The following TRPM1 variants were observed in gnomAD, a reference collection of about 807,000 sequenced individuals.
TRPM1 encodes transient receptor potential cation channel subfamily M member 1, also known as TRPM1-203 APA Isoform, Intron 10.
In TRPM1, 113 loss-of-function variants were observed where a neutral mutation model predicts 149.4. The ratio of observed to expected loss-of-function variants is 0.76; its 90% CI spans 0.65 to 0.88. The LOEUF (loss-of-function observed/expected upper bound fraction) is 0.88. Among genes scored for constraint, TRPM1 ranks in the 40% least tolerant of loss-of-function variants. The pLI is 0.00. For missense variants in TRPM1, 1,976 were observed against 2,038.7 expected, an observed-to-expected ratio of 0.97 and a Z score of 0.59; for synonymous variants, 741 against 759.5, an observed-to-expected ratio of 0.98 and a Z score of 0.40.
intron 1 of TRPM1, among the ~76,000 whole-genome samples, chr15:31,119,605 C>A (rs2035849813): frequency 6.6e-6 from 1 of 152,000 alleles, no homozygotes; most frequent in Admixed American, 6.5e-5. Flanking sequence ...TAAAGTAAAA[C>A]CTTTTATTTT....
chr15:31,036,771 A>T (rs1161515461), intron 20 of TRPM1, among the ~76,000 whole-genome samples: 8 of 152,140 alleles, frequency 5.3e-5, no homozygotes, highest in Non-Finnish European at 8.8e-5. Flanking sequence ...GGCAGCAGTG[A>T]CTTCGACTGT....
At chr15:31,093,989 A>G (rs1171611717) in intron 1 of TRPM1, among the ~76,000 whole-genome samples, 2 of 152,240 alleles carry the variant, frequency 1.3e-5, no homozygotes, top group African/African-American at 4.8e-5. Context: ...TCAAAGAAGT[A>G]TGGTACTAGC....
chr15:31,080,740 C>T (rs2034835830), intron 2 of TRPM1, among the ~76,000 whole-genome samples: 1 of 150,264 alleles, frequency 6.7e-6, no homozygotes, highest in Non-Finnish European at 1.5e-5. Flanking sequence ...CCCGCTCCCT[C>T]TCATAGTCCC....
Position 31,063,118 on chromosome 15 carries a change from C to T in TRPM1, c.965G>A (p.Gly322Glu), listed in dbSNP as rs200374755. The change falls in exon 8 of 28, where the codon GGA (glycine) becomes GAA (glutamate). Residue 322 changes from glycine to glutamate, a missense_variant and splice_region_variant. Gly to Glu is a moderately conservative substitution (Grantham distance 98, BLOSUM62 -2). Around this residue, in one of 3 missense-constraint regions of TRPM1, gnomAD observed 1,332 missense variants for 1,347.1 expected, o/e 0.99. Transcript: ENST00000256552. ...CTTCCTCGCGCGTCAGAAATCCTAC[C>T]CGCCTTCTTCACAGTACTTGTGCGC... Reference protein sequence around the residue: ...SFAHKYCEEGGIINESLREQL... With the variant: ...SFAHKYCEEGEIINESLREQL... 1.6e-5 allele frequency: 26 copies of T among 1,614,096 alleles called. No homozygotes were observed. The African/African-American group carries it at 2.8e-4, about 17-fold the overall frequency.
chr15:31,150,506 A>C (rs1361357911), intron 1 of TRPM1, among the ~76,000 whole-genome samples: 2 of 138,956 alleles, frequency 1.4e-5, no homozygotes, highest in Non-Finnish European at 3.0e-5. Flanking sequence ...GTGCGATCTC[A>C]GCTCACTGCA....
At position 31,002,140 on chromosome 15, in the gene TRPM1, A is replaced by T. The variant is rs12898290; in HGVS notation, c.4560T>A (p.His1520Gln). Residue 1520 changes from histidine (H) to glutamine (Q), a missense_variant, in exon 28 of 28, where the codon CAT becomes CAA. By Grantham distance (24) the His-to-Gln change is conservative. Around this residue, in one of 3 missense-constraint regions of TRPM1, gnomAD observed 572 missense variants for 578.9 expected, o/e 0.99. Coordinates refer to ENST00000256552, the MANE Select transcript of TRPM1 (RefSeq NM_001252024.2). Reference protein sequence around the residue: ...IVSEAAVQAEHKEQFADMQDE... With the variant: ...IVSEAAVQAEQKEQFADMQDE... ...CTTGCATATCTGCAAACTGCTCTTT[A>T]TGCTCAGCTTGCACTGCAGCTTCCG... is the stretch of plus-strand genomic sequence containing the variant. The T allele has an allele frequency of 0.06, 97,458 of 1,614,162 alleles. 3,524 individuals are homozygous for T. The highest frequency in any genetic ancestry group is 0.13 in the South Asian group (11,867 of 91,090).
chr15:31,126,458 C>A (rs573614643), intron 1 of TRPM1, among the ~76,000 whole-genome samples: 1 of 152,262 alleles, frequency 6.6e-6, no homozygotes, highest in African/African-American at 2.4e-5. Flanking sequence ...ATGTTCCCTT[C>A]TCCTCCCCAC....
rs2033326865 is a variant in TRPM1 at position 31,035,590 on chromosome 15, C to T, written c.2656G>A (p.Val886Ile). Reference sequence around the variant, plus strand: ...GCCAGGCTCACGATGTAGGAGATGACGATCCACTCCTGGAGGGACGGCCAG... The same window carrying T: ...GCCAGGCTCACGATGTAGGAGATGATGATCCACTCCTGGAGGGACGGCCAG... ...DGWPSLQEWI[V>I]ISYIVSLALE... Residue 886 changes from valine (V) to isoleucine (I), a missense_variant, in exon 21 of 28, where the codon GTC becomes ATC. Val to Ile is a conservative substitution (Grantham distance 29). Coordinates refer to ENST00000256552, the MANE Select transcript of TRPM1 (RefSeq NM_001252024.2). 1.9e-6 allele frequency: 3 copies of T among 1,614,148 alleles called. No homozygotes were observed. The highest frequency in any genetic ancestry group is 2.5e-6 in the Non-Finnish European group (3 of 1,180,034).
intron 1 of TRPM1, among the ~76,000 whole-genome samples, chr15:31,095,018 AAAG>A: frequency 6.6e-6 from 1 of 152,282 alleles, no homozygotes; most frequent in East Asian, 1.9e-4. Context: ...TATACAAACA[AAAG>A]AATATTATTT....
At chr15:31,010,286 C>T (rs1456571365) in intron 27 of TRPM1, among the ~76,000 whole-genome samples, 1 of 152,168 alleles carries the variant, frequency 6.6e-6, no homozygotes, top group African/African-American at 2.4e-5. Flanking sequence ...CTTTGTAGTG[C>T]TATTGAGATC....
At chr15:31,104,207 G>A (rs557014869), upstream of TRPM1, among the ~76,000 whole-genome samples, 1 of 152,270 alleles carries the variant, frequency 6.6e-6, no homozygotes, top group South Asian at 2.1e-4. Context: ...ATTCCTCAGA[G>A]GGAATAAGAG....
intron 1 of TRPM1, among the ~76,000 whole-genome samples, chr15:31,138,898 G>A (rs2036124142): frequency 6.6e-6 from 1 of 151,860 alleles, no homozygotes; most frequent in Non-Finnish European, 1.5e-5. Flanking sequence ...TTTACAATGG[G>A]GAATAAATTG....
At chr15:31,030,528 G>GT (rs1316957956) in intron 23 of TRPM1, among the ~76,000 whole-genome samples, 7 of 152,316 alleles carry the variant, frequency 4.6e-5, no homozygotes, top group African/African-American at 1.7e-4. Context: ...TAGCACTCTA[G>GT]TAGTGAAGAT....
At position 31,081,388 on chromosome 15, in the gene TRPM1, C is replaced by G; in HGVS notation, c.-33G>C. On this transcript the variant is annotated 5_prime_UTR_variant, in exon 2 of 28. Transcript: ENST00000256552. ...CAAAAAGTTGATATAAGGAAATAGC[C>G]TCAGTCCAGCACTGCAAGTTACTGC... is the stretch of plus-strand genomic sequence containing the variant. The G allele has an allele frequency of 6.5e-7, 1 of 1,535,038 alleles. No homozygotes were observed. Among genetic ancestry groups the G allele is most frequent in the Non-Finnish European group, 8.7e-7 (1 of 1,146,612 alleles).
intron 1 of TRPM1, among the ~76,000 whole-genome samples, chr15:31,150,461 G>A (rs1164672460): frequency 7.1e-6 from 1 of 141,242 alleles, no homozygotes; most frequent in Admixed American, 7.1e-5. Context: ...TTTTGAGATG[G>A]AGTCTTGCTC....
At chr15:31,110,921 CCCTT>C (rs1292409849) in intron 1 of TRPM1, among the ~76,000 whole-genome samples, 46 of 147,484 alleles carry the variant, frequency 3.1e-4, no homozygotes, top group African/African-American at 1.1e-3. Context: ...TTCCCTCCCT[CCCTT>C]CTGCTTTTTC....
rs760448861 is a variant in TRPM1 at position 31,038,099 on chromosome 15, G to A, written c.2384C>T (p.Ser795Leu). The change falls in exon 19 of 28, where the codon TCG (serine) becomes TTG (leucine). Residue 795 changes from serine (S) to leucine (L), a missense_variant. Ser to Leu is a moderately radical substitution (Grantham distance 145). Around this residue, in one of 3 missense-constraint regions of TRPM1, gnomAD observed 1,332 missense variants for 1,347.1 expected, o/e 0.99. Coordinates refer to ENST00000256552, the MANE Select transcript of TRPM1 (RefSeq NM_001252024.2). ...CTCATTTTCCTTGGATGTTTGATAC[G>A]AGAAATCATCATATGTGCGAAATTC... ...FLEFRTYDDF[S>L]YQTSKENEDG... The A allele has an allele frequency of 1.2e-5, 19 of 1,613,844 alleles. No homozygotes were observed. Among genetic ancestry groups the A allele is most frequent in the African/African-American group, 1.1e-4 (8 of 74,882 alleles).
At chr15:31,062,513 G>A (rs151157733) in intron 9 of TRPM1, 66 bp downstream of exon 9, 38 of 1,597,680 alleles carry the variant, frequency 2.4e-5, no homozygotes, top group Non-Finnish European at 2.9e-5. Context: ...ACACATGGGC[G>A]GAATTAGAAA....
At chr15:31,008,306 G>C (rs1156464607) in intron 27 of TRPM1, among the ~76,000 whole-genome samples, 3 of 152,136 alleles carry the variant, frequency 2.0e-5, no homozygotes, top group Non-Finnish European at 4.4e-5. Context: ...CACCATGTTA[G>C]CTATAGATTT....
Sources: allele counts gnomAD v4.1 joint callset (sites outside exome capture counted in the v4.1 genomes callset), GRCh38; gene constraint gnomAD v4.1.1; regional missense constraint gnomAD v4.1.1; transcripts MANE v1.5; gene names NCBI Gene and HGNC (gene_info 2026-07-23, HGNC 2026-07-21).